The following CELF2 variants were observed in gnomAD, a reference collection of about 807,000 sequenced individuals.
CELF2 encodes CUG triplet repeat RNA-binding protein 2.
Under a neutral mutation model 62.6 loss-of-function variants are expected in CELF2, and 8 were observed. That is an observed-to-expected ratio of 0.13 (90% CI 0.07 to 0.23). CELF2 has a LOEUF of 0.23. Among genes scored for constraint, CELF2 ranks in the 10% least tolerant of loss-of-function variants. CELF2 has a pLI of 1.00. For missense variants in CELF2, 333 were observed against 671.0 expected, an observed-to-expected ratio of 0.50 and a Z score of 5.56; for synonymous variants, 258 against 250.0, an observed-to-expected ratio of 1.03 and a Z score of -0.30.
chr10:10,681,028 T>G, the CELF2 span, among the ~76,000 whole-genome samples: 1 of 152,176 alleles, frequency 6.6e-6, no homozygotes, highest in Non-Finnish European at 1.5e-5. Context: ...TTTGATTTGC[T>G]TCTCTCAAGG....
the CELF2 span, among the ~76,000 whole-genome samples, chr10:10,575,893 T>A: frequency 6.6e-6 from 1 of 152,330 alleles, no homozygotes; most frequent in African/African-American, 2.4e-5. Flanking sequence ...AGTAGAGGAA[T>A]CCTTGACCCC....
the CELF2 span, among the ~76,000 whole-genome samples, chr10:10,788,180 T>A: frequency 9.9e-5 from 15 of 152,198 alleles, no homozygotes; most frequent in Admixed American, 9.8e-4. Context: ...TTTGTACAAA[T>A]AACAACAGTC....
rs1387914975 is a variant in CELF2, at chr10:10,931,373, G to T, written c.89+11374G>T. ...CTTGTCATGCTGGCTGGGGGTGGGG[G>T]GTGTAACTTTAAGGAATAATGCCAA... On this transcript the variant is annotated intron_variant, in intron 2 of 13. Transcript: ENST00000636488. The surrounding 1 kb of genome is among the most constrained non-coding windows in gnomAD (Gnocchi z 6.1). Among the ~76,000 whole-genome samples the T allele has an allele frequency of 6.6e-6, 1 of 151,904 alleles. No individual in the cohort carries two copies. The highest frequency in any genetic ancestry group is 2.1e-4 in the South Asian group (1 of 4,802).
rs1310499913 is a variant in CELF2, at chr10:11,333,290, TAATA to T, written c.*4242_*4245del. The T allele has an allele frequency of 2.0e-5, 3 of 152,604 alleles. No homozygotes were observed. Among genetic ancestry groups the T allele is most frequent in the Non-Finnish European group, 4.4e-5 (3 of 68,042 alleles). 9.5% of individuals were successfully genotyped at this position (152,604 alleles called of 1,614,324 possible). A position where few individuals can be genotyped will look rare whatever the true frequency, so the allele number is the denominator to read the frequency against. On this transcript the variant is annotated 3_prime_UTR_variant, in exon 13 of 13. Transcript: ENST00000633077. ...TGTCCTTCTATCCACTTTTATCTTTTAATAAATATCAAAAGGAAAAAGCTGCAAG... is the reference window on the plus strand; with the variant it reads ...TGTCCTTCTATCCACTTTTATCTTTTAATATCAAAAGGAAAAAGCTGCAAG...
At chr10:10,656,802 C>A in the CELF2 span, among the ~76,000 whole-genome samples, 1 of 143,422 alleles carries the variant, frequency 7.0e-6, no homozygotes, top group African/African-American at 2.6e-5. Flanking sequence ...AGCGCACCAG[C>A]ATGGCACATG....
chr10:10,512,061 A>T, the CELF2 span, among the ~76,000 whole-genome samples: 1 of 152,238 alleles, frequency 6.6e-6, no homozygotes, highest in African/African-American at 2.4e-5. Flanking sequence ...CAGAAGGACT[A>T]TGAGGATCTG....
chr10:10,773,579 C>T, the CELF2 span, among the ~76,000 whole-genome samples: 1 of 152,176 alleles, frequency 6.6e-6, no homozygotes, highest in African/African-American at 2.4e-5. Flanking sequence ...TGAGCTTTAA[C>T]TGGGTACCTC....
the CELF2 span, among the ~76,000 whole-genome samples, chr10:10,570,549 G>A: frequency 6.6e-6 from 1 of 151,920 alleles, no homozygotes; most frequent in Non-Finnish European, 1.5e-5. Flanking sequence ...AGGCTAAAAT[G>A]GGTGGATATG....
Position 10,952,450 on chromosome 10 carries a change from GAC to G in CELF2, c.89+32453_89+32454del, listed in dbSNP as rs374055220. 2.4e-4 allele frequency among the ~76,000 whole-genome samples: 37 copies of G among 152,316 alleles called. No homozygotes were observed. In the East Asian group the frequency reaches 4.0e-3, roughly 17 times the overall value. On this transcript the variant is annotated intron_variant, in intron 2 of 13. Transcript: ENST00000636488. Reference sequence around the variant, plus strand: ...GAGGAAATTATGAAAAGAGAAGAAAGACAGTGAGCGAGCAAGGAAGTCAGGAA... The same window carrying G: ...GAGGAAATTATGAAAAGAGAAGAAAGAGTGAGCGAGCAAGGAAGTCAGGAA...
chr10:10,736,150 C>A, the CELF2 span, among the ~76,000 whole-genome samples: 1 of 152,286 alleles, frequency 6.6e-6, no homozygotes, highest in South Asian at 2.1e-4. Flanking sequence ...TCTTTCTGGG[C>A]AGCCAAAACA....
At chr10:11,171,933 C>A (rs1273665066) in intron 2 of CELF2, among the ~76,000 whole-genome samples, 2 of 152,156 alleles carry the variant, frequency 1.3e-5, no homozygotes, top group Non-Finnish European at 2.9e-5. Flanking sequence ...ATGTTTCATG[C>A]CTTTCCTTTC....
chr10:10,939,408 C>G (rs752039288), intron 2 of CELF2, among the ~76,000 whole-genome samples: 1 of 152,028 alleles, frequency 6.6e-6, no homozygotes, highest in African/African-American at 2.4e-5. Flanking sequence ...GCCTCAGCCT[C>G]CCAAGTAGCT....
At chr10:10,829,254 C>G (rs926890669) in intron 1 of CELF2, among the ~76,000 whole-genome samples, 1 of 152,096 alleles carries the variant, frequency 6.6e-6, no homozygotes, top group South Asian at 2.1e-4. Context: ...AATAGGCAAA[C>G]AAAGCATGAT....
chr10:10,629,861 CAAAAAAAAAAAAAAAG>C, the CELF2 span, among the ~76,000 whole-genome samples: 5 of 12,342 alleles, frequency 4.1e-4, no homozygotes, highest in African/African-American at 6.7e-4. Flanking sequence ...GGCTGAAGAC[CAAAAAAAAAAAAAAAG>C]AAAAAAAAAA....
chr10:11,048,891 T>C (rs2139919469), intron 1 of CELF2, among the ~76,000 whole-genome samples: 1 of 152,294 alleles, frequency 6.6e-6, no homozygotes, highest in African/African-American at 2.4e-5. Flanking sequence ...TTTAAATGAG[T>C]GACAGGGAGC....
the CELF2 span, among the ~76,000 whole-genome samples, chr10:10,553,799 A>G: frequency 3.3e-5 from 5 of 152,142 alleles, no homozygotes. Flanking sequence ...GGAGGTCACT[A>G]TGAAGGAGGT....
chr10:10,510,387 T>C, the CELF2 span, among the ~76,000 whole-genome samples: 1 of 152,256 alleles, frequency 6.6e-6, no homozygotes, highest in Non-Finnish European at 1.5e-5. Context: ...GTGTTGTTTG[T>C]GTGGTCCTGC....
At chr10:11,230,345 CA>C (rs909614973) in intron 3 of CELF2, among the ~76,000 whole-genome samples, 14 of 152,076 alleles carry the variant, frequency 9.2e-5, no homozygotes, top group African/African-American at 3.1e-4. Flanking sequence ...GGATACATAG[CA>C]AAGTTTGAGA....
upstream of CELF2, chr10:11,005,143 G>A: frequency 3.0e-6 from 3 of 985,264 alleles, no homozygotes; most frequent in Non-Finnish European, 3.6e-6. The surrounding 1 kb of genome is among the most constrained non-coding windows in gnomAD (Gnocchi z 4.3). Flanking sequence ...AATATGCATA[G>A]ACAACATAAC....
Sources: gnomAD v4.1 joint callset for allele counts (sites outside exome capture counted in the v4.1 genomes callset) on GRCh38, gnomAD v4.1.1 for gene constraint, Gnocchi (gnomAD v3.1) non-coding constraint, MANE v1.5 for transcripts, NCBI Gene and HGNC (gene_info 2026-07-23, HGNC 2026-07-21) for gene names.